HECW1: variants seen among roughly 807,000 people sequenced by gnomAD.
HECW1 encodes the protein E3 ubiquitin-protein ligase HECW1.
Under a neutral mutation model 182.3 loss-of-function variants are expected in HECW1, and 61 were observed. That is an observed-to-expected ratio of 0.33 (90% CI 0.27 to 0.41). HECW1 has a LOEUF of 0.41. Ranked by LOEUF, HECW1 falls within the 10% of genes least tolerant of loss-of-function variation. The probability of loss-of-function intolerance (pLI) is 1.00; values close to 1 mark genes in which losing one functional copy is unlikely to be tolerated. For missense variants in HECW1, 1,739 were observed against 2,108.9 expected, an observed-to-expected ratio of 0.82 and a Z score of 3.44; for synonymous variants, 859 against 832.6, an observed-to-expected ratio of 1.03 and a Z score of -0.55.
intron 2 of HECW1, among the ~76,000 whole-genome samples, chr7:43,225,826 C>T (rs192452057): frequency 7.9e-5 from 12 of 151,992 alleles, no homozygotes; most frequent in East Asian, 3.9e-4. Flanking sequence ...ACTGTGTCAC[C>T]GAGGCTGGAA....
At chr7:43,302,421 T>C (rs922014161) in intron 3 of HECW1, among the ~76,000 whole-genome samples, 6 of 152,202 alleles carry the variant, frequency 3.9e-5, no homozygotes, top group Non-Finnish European at 4.4e-5. Context: ...ACTGTCACTG[T>C]GGGTTCCTGT....
intron 3 of HECW1, among the ~76,000 whole-genome samples, chr7:43,311,146 A>T (rs185017217): frequency 9.8e-5 from 15 of 152,330 alleles, no homozygotes; most frequent in Admixed American, 9.8e-4. Context: ...GTCCTCTGAG[A>T]TTGGATTTTA....
At chr7:43,221,830 C>A (rs770892443) in intron 2 of HECW1, among the ~76,000 whole-genome samples, 4 of 151,966 alleles carry the variant, frequency 2.6e-5, no homozygotes, top group Non-Finnish European at 5.9e-5. Flanking sequence ...CAGGCATGAG[C>A]CACTGCACCC....
At chr7:43,303,888 C>G (rs1293988358) in intron 3 of HECW1, among the ~76,000 whole-genome samples, 1 of 152,056 alleles carries the variant, frequency 6.6e-6, no homozygotes, top group African/African-American at 2.4e-5. Flanking sequence ...AGCAGAGGTA[C>G]AAATGGGTAA....
chr7:43,345,919 C>T (rs781126054), intron 5 of HECW1, among the ~76,000 whole-genome samples: 9 of 152,004 alleles, frequency 5.9e-5, no homozygotes, highest in Non-Finnish European at 7.4e-5. Context: ...GTTGCTTGCA[C>T]GATTTTGCAA....
intron 6 of HECW1, among the ~76,000 whole-genome samples, chr7:43,384,382 A>G (rs2074683646): frequency 6.6e-6 from 1 of 152,182 alleles, no homozygotes; most frequent in South Asian, 2.1e-4. Context: ...ACACCTCTGG[A>G]GGGAATGTGG....
chr7:43,134,510 A>G (rs1328514299), intron 2 of HECW1, among the ~76,000 whole-genome samples: 1 of 151,784 alleles, frequency 6.6e-6, no homozygotes, highest in Non-Finnish European at 1.5e-5. Context: ...TTAAATTTAA[A>G]TTTAATTTTT....
intron 2 of HECW1, among the ~76,000 whole-genome samples, chr7:43,162,026 G>A (rs1202103276): frequency 6.6e-6 from 1 of 152,134 alleles, no homozygotes; most frequent in Non-Finnish European, 1.5e-5. Flanking sequence ...CTCATAACTG[G>A]TGGAAGGAAA....
intron 6 of HECW1, among the ~76,000 whole-genome samples, chr7:43,369,025 C>A (rs1191839449): frequency 6.6e-6 from 1 of 152,016 alleles, no homozygotes; most frequent in African/African-American, 2.4e-5. Flanking sequence ...TCTATGAAGC[C>A]CTGGTGTTTC....
At chr7:43,477,534 C>T (rs76933086) in intron 16 of HECW1, among the ~76,000 whole-genome samples, 1,642 of 152,154 alleles carry the variant, frequency 0.011, 35 homozygotes, top group African/African-American at 0.037. Flanking sequence ...GTATTTTTGA[C>T]GTCACTAGTG....
chr7:43,134,123 G>A (rs975290275), intron 2 of HECW1, among the ~76,000 whole-genome samples: 5 of 151,942 alleles, frequency 3.3e-5, no homozygotes, highest in South Asian at 2.1e-4. Context: ...ATTTGTGGCC[G>A]GGCATGGTGG....
At chr7:43,424,174 TC>T (rs1267184937) in intron 8 of HECW1, among the ~76,000 whole-genome samples, 1 of 152,138 alleles carries the variant, frequency 6.6e-6, no homozygotes, top group Non-Finnish European at 1.5e-5. Flanking sequence ...TCTTAGCAGG[TC>T]CCCATCTTTG....
At chr7:43,467,120 G>A (rs1371808881) in intron 15 of HECW1, among the ~76,000 whole-genome samples, 1 of 152,134 alleles carries the variant, frequency 6.6e-6, no homozygotes, top group Non-Finnish European at 1.5e-5. Context: ...AACATTTTCT[G>A]TGGTTCAGGC....
chr7:43,530,582 T>A (rs1195929658), intron 24 of HECW1, among the ~76,000 whole-genome samples: 1 of 152,044 alleles, frequency 6.6e-6, no homozygotes, highest in Non-Finnish European at 1.5e-5. Flanking sequence ...GTAATCAAAG[T>A]TTACTGCTTT....
At chr7:43,551,483 G>A (rs548506432) in intron 27 of HECW1, among the ~76,000 whole-genome samples, 6 of 152,266 alleles carry the variant, frequency 3.9e-5, no homozygotes, top group African/African-American at 1.4e-4. Flanking sequence ...ATAATTGCAT[G>A]TGAAAGGTTA....
At chr7:43,478,316 T>TGAGGCAGGAGAATCACTTG (rs981820655) in intron 16 of HECW1, among the ~76,000 whole-genome samples, 1 of 152,130 alleles carries the variant, frequency 6.6e-6, no homozygotes, top group African/African-American at 2.4e-5. Flanking sequence ...CTCAGGAGGC[T>TGAGGCAGGAGAATCACTTG]GAGGCAGGAG....
At chr7:43,328,783 T>C (rs56225776) in intron 5 of HECW1, among the ~76,000 whole-genome samples, 31,079 of 152,160 alleles carry the variant, frequency 0.2, 4,064 homozygotes, top group Non-Finnish European at 0.3. Flanking sequence ...GTCAGATACA[T>C]GTCAGATCTT....
intron 3 of HECW1, among the ~76,000 whole-genome samples, chr7:43,267,068 G>A (rs1325912631): frequency 6.6e-6 from 1 of 152,090 alleles, no homozygotes; most frequent in East Asian, 1.9e-4. Context: ...TGTGTTGGGA[G>A]TTTTAATTCA....
chr7:43,473,145 C>T (rs1204410273), intron 16 of HECW1, among the ~76,000 whole-genome samples: 1 of 152,166 alleles, frequency 6.6e-6, no homozygotes, highest in Non-Finnish European at 1.5e-5. Flanking sequence ...CAGCCTGGCA[C>T]CCACCCTCTA....
Sources: allele counts gnomAD v4.1 joint callset (sites outside exome capture counted in the v4.1 genomes callset), GRCh38; gene constraint gnomAD v4.1.1; transcripts MANE v1.5; gene names NCBI Gene and HGNC (gene_info 2026-07-23, HGNC 2026-07-21).